The following CELF1 variants were observed in gnomAD, a reference collection of about 807,000 sequenced individuals.
The protein encoded by CELF1 is CUGBP Elav-like family member 1.
CELF1 carries 10 observed loss-of-function variants against 61.8 expected under a neutral mutation model. That is an observed-to-expected ratio of 0.16 (90% CI 0.10 to 0.27). The LOEUF is 0.27. Ranked by LOEUF, CELF1 falls within the 10% of genes least tolerant of loss-of-function variation. CELF1 has a pLI of 1.00. For synonymous variants in CELF1, 236 were observed against 225.1 expected (o/e 1.05, Z -0.43); for missense variants, 380 against 639.1 (o/e 0.59, Z 4.37).
chr11:47,474,689 G>C lies in CELF1; in HGVS notation c.1273+647C>G, dbSNP rs562170675. On this transcript the variant is annotated intron_variant, in intron 13 of 14. Coordinates refer to ENST00000687097, the MANE Select transcript of CELF1 (RefSeq NM_001376376.1). ...GGACACTCATCTTTTTCCTACATTA[G>C]TGCTTATACCAGCTCCTGGTTATAA... Among the ~76,000 whole-genome samples the C allele has an allele frequency of 5.9e-5, 9 of 152,306 alleles. No homozygotes were observed. The South Asian group carries it at 1.9e-3, about 32-fold the overall frequency.
chr11:47,532,183 A>C (rs1041405956), intron 1 of CELF1, among the ~76,000 whole-genome samples: 1 of 152,056 alleles, frequency 6.6e-6, no homozygotes, highest in Non-Finnish European at 1.5e-5. Context: ...GGTACCCACC[A>C]CCAGGCCTAA....
intron 1 of CELF1, among the ~76,000 whole-genome samples, chr11:47,548,148 A>C (rs2097027380): frequency 6.6e-6 from 1 of 151,944 alleles, no homozygotes; most frequent in African/African-American, 2.4e-5. Flanking sequence ...AAAATACAAA[A>C]ATTAGCCAGG....
chr11:47,492,877 A>T (rs1464935206), intron 3 of CELF1, among the ~76,000 whole-genome samples: 1 of 152,222 alleles, frequency 6.6e-6, no homozygotes, highest in Non-Finnish European at 1.5e-5. Flanking sequence ...GTTAACAAAG[A>T]ACCCCAATGG....
upstream of CELF1, among the ~76,000 whole-genome samples, chr11:47,554,795 G>T (rs573217444): frequency 1.3e-5 from 2 of 151,886 alleles, no homozygotes; most frequent in South Asian, 4.2e-4. Context: ...CCGAGTAGCT[G>T]GGATTACAGG....
rs533645310 is a variant in CELF1 at position 47,494,935 on chromosome 11, A to G, written c.71+4518T>C. 6.6e-5 allele frequency among the ~76,000 whole-genome samples: 10 copies of G among 152,348 alleles called. No individual in the cohort carries two copies. The South Asian group carries it at 2.1e-3, about 32-fold the overall frequency. ...TTTTATAGTTGTTGTTGTTTTTGTA[A>G]AGACAGGGGTCTTGCTGTGAAACCC... On this transcript the variant is annotated intron_variant, in intron 3 of 14. Transcript: ENST00000687097.
At chr11:47,503,962 C>T (rs2094222468) in intron 1 of CELF1, among the ~76,000 whole-genome samples, 1 of 152,062 alleles carries the variant, frequency 6.6e-6, no homozygotes, top group African/African-American at 2.4e-5. Flanking sequence ...ACTGTTCAAG[C>T]CCAGGAGTTT....
chr11:47,564,849 T>C (rs530417684), intron 1 of CELF1, among the ~76,000 whole-genome samples: 9 of 152,300 alleles, frequency 5.9e-5, no homozygotes, highest in Admixed American at 5.2e-4. Context: ...TACCTTTTTG[T>C]AGGTTGCAGG....
chr11:47,489,970 C>T (rs1231860232), intron 3 of CELF1, among the ~76,000 whole-genome samples: 1 of 18,942 alleles, frequency 5.3e-5, no homozygotes, highest in Non-Finnish European at 1.3e-4. Context: ...CGGAATTTCA[C>T]TCTTGTTGCC....
chr11:47,533,488 A>G (rs1275661536), intron 1 of CELF1, among the ~76,000 whole-genome samples: 1 of 152,156 alleles, frequency 6.6e-6, no homozygotes, highest in African/African-American at 2.4e-5. Flanking sequence ...CAGGCATGGC[A>G]GTGTATGCCT....
At chr11:47,534,722 C>T (rs189883392) in intron 1 of CELF1, among the ~76,000 whole-genome samples, 2 of 152,098 alleles carry the variant, frequency 1.3e-5, no homozygotes, top group Admixed American at 1.3e-4. Context: ...AGCGAGACTC[C>T]ATCTCAAAAA....
chr11:47,498,547 A>T (rs1471832580), intron 3 of CELF1, among the ~76,000 whole-genome samples: 2 of 152,206 alleles, frequency 1.3e-5, no homozygotes, highest in Admixed American at 6.5e-5. Context: ...AACCTCAAAG[A>T]CTTGCATTAA....
intron 14 of CELF1, 21 bp from the exon 15 acceptor site, chr11:47,472,378 C>T (rs745677431): frequency 1.2e-5 from 19 of 1,611,642 alleles, no homozygotes; most frequent in Non-Finnish European, 1.5e-5. Flanking sequence ...AAGCAGAAAC[C>T]TAGGTGAGGG....
chr11:47,537,734 TA>T (rs1450241425), intron 1 of CELF1, among the ~76,000 whole-genome samples: 1 of 152,062 alleles, frequency 6.6e-6, no homozygotes, highest in Non-Finnish European at 1.5e-5. Context: ...AACATAAAAT[TA>T]AAGTGCCATT....
At chr11:47,534,734 A>AAATAC (rs1295084711) in intron 1 of CELF1, among the ~76,000 whole-genome samples, 1 of 151,524 alleles carries the variant, frequency 6.6e-6, no homozygotes, top group Non-Finnish European at 1.5e-5. Context: ...TCTCAAAAAT[A>AAATAC]AATAAAATAA....
At chr11:47,549,070 G>A (rs1304418103) in intron 1 of CELF1, among the ~76,000 whole-genome samples, 1 of 151,898 alleles carries the variant, frequency 6.6e-6, no homozygotes, top group Non-Finnish European at 1.5e-5. Context: ...ACCACAGTGA[G>A]GTATCTCACA....
intron 2 of CELF1, among the ~76,000 whole-genome samples, chr11:47,500,023 C>T (rs545355879): frequency 6.6e-6 from 1 of 152,234 alleles, no homozygotes; most frequent in East Asian, 1.9e-4. Context: ...CTTACGTTTC[C>T]ATGTGCCAAA....
intron 3 of CELF1, among the ~76,000 whole-genome samples, chr11:47,498,304 C>T (rs541424936): frequency 1.3e-5 from 2 of 152,034 alleles, no homozygotes; most frequent in South Asian, 4.2e-4. Flanking sequence ...ACTTGGGAAG[C>T]GGAGGCGAGA....
exon 1 of CELF1, chr11:47,565,482 G>T: frequency 1.3e-6 from 1 of 756,012 alleles, no homozygotes; most frequent in Non-Finnish European, 1.8e-6. Flanking sequence ...CCAGAGTCCA[G>T]GCCAGTCCCC....
intron 3 of CELF1, among the ~76,000 whole-genome samples, chr11:47,491,147 G>A (rs1480456079): frequency 6.6e-6 from 1 of 151,678 alleles, no homozygotes; most frequent in Admixed American, 6.6e-5. Flanking sequence ...ACAGGGATGA[G>A]CCACCGTGCC....
Sources: gnomAD v4.1 joint callset for allele counts (sites outside exome capture counted in the v4.1 genomes callset) on GRCh38, gnomAD v4.1.1 for gene constraint, MANE v1.5 for transcripts, NCBI Gene and HGNC (gene_info 2026-07-23, HGNC 2026-07-21) for gene names.